Variants in RGS7 observed in about 807,000 individuals in gnomAD.
RGS7 encodes regulator of G-protein signaling 7.
In RGS7, 27 loss-of-function variants were observed where a neutral mutation model predicts 81.1. The observed-to-expected ratio is 0.33, with a 90% confidence interval of 0.25 to 0.46. The LOEUF (loss-of-function observed/expected upper bound fraction) is 0.46. Among genes scored for constraint, RGS7 ranks in the 20% least tolerant of loss-of-function variants. The pLI, the probability that RGS7 is intolerant of heterozygous loss-of-function variation, is 1.00. For synonymous variants in RGS7, 208 were observed against 207.7 expected (o/e 1.00, Z -0.01); for missense variants, 396 against 607.4 (o/e 0.65, Z 3.66).
At chr1:240,873,704 C>T (rs533016793) in intron 6 of RGS7, among the ~76,000 whole-genome samples, 10 of 152,082 alleles carry the variant, frequency 6.6e-5, no homozygotes, top group Admixed American at 2.0e-4. Context: ...TATGAAAGCA[C>T]ATCACACAGG....
chr1:241,200,358 G>C (rs1180206196), intron 2 of RGS7, among the ~76,000 whole-genome samples: 1 of 151,848 alleles, frequency 6.6e-6, no homozygotes, highest in East Asian at 1.9e-4. Flanking sequence ...TATCTTAAAG[G>C]TACTGCTCAA....
At chr1:241,319,887 T>C (rs999279302) in intron 2 of RGS7, among the ~76,000 whole-genome samples, 2 of 152,080 alleles carry the variant, frequency 1.3e-5, no homozygotes, top group African/African-American at 4.8e-5. Context: ...GGTCAGGAGT[T>C]CGAGACCAGC....
chr1:241,284,719 C>A (rs1408785205), intron 2 of RGS7, among the ~76,000 whole-genome samples: 1 of 152,176 alleles, frequency 6.6e-6, no homozygotes, highest in African/African-American at 2.4e-5. Context: ...TGCTGGGGAA[C>A]CCCATTATAG....
intron 4 of RGS7, among the ~76,000 whole-genome samples, chr1:240,945,132 G>T (rs1319941533): frequency 6.6e-6 from 1 of 152,242 alleles, no homozygotes; most frequent in African/African-American, 2.4e-5. Flanking sequence ...TGGCAGAGCA[G>T]CCGCCATCCT....
intron 3 of RGS7, among the ~76,000 whole-genome samples, chr1:241,091,547 C>CAATAAATAAATAAATA (rs371664255): frequency 1.5e-5 from 2 of 129,170 alleles, no homozygotes; most frequent in East Asian, 2.2e-4. Context: ...GACTCTGTCT[C>CAATAAATAAATAAATA]AATAAATAAA....
intron 2 of RGS7, among the ~76,000 whole-genome samples, chr1:241,221,038 G>A (rs1310793836): frequency 0.011 from 807 of 73,926 alleles, 14 homozygotes; most frequent in Middle Eastern, 0.018. Context: ...AGGAAGGAAG[G>A]AAAAGAAAGA....
rs868322515 is a variant in RGS7 at position 241,088,943 on chromosome 1, G to A, written c.175+9723C>T. ...GGAGAATCGCTTGAACCTGGCAGGC[G>A]GAAGTTGCAGTGAGTTGAGATGGCG... On this transcript the variant is annotated intron_variant, in intron 3 of 18. Coordinates refer to ENST00000440928, the MANE Select transcript of RGS7 (RefSeq NM_001364886.1). 1.5e-4 allele frequency among the ~76,000 whole-genome samples: 23 copies of A among 150,024 alleles called. No individual in the cohort carries two copies. The South Asian group carries it at 3.2e-3, about 21-fold the overall frequency.
At chr1:241,051,387 G>T (rs2061241421) in intron 3 of RGS7, among the ~76,000 whole-genome samples, 1 of 152,126 alleles carries the variant, frequency 6.6e-6, no homozygotes, top group Non-Finnish European at 1.5e-5. Flanking sequence ...TGCTTTATCA[G>T]GTAGCAGTGA....
intron 3 of RGS7, among the ~76,000 whole-genome samples, chr1:241,020,129 T>G (rs374106208): frequency 3.9e-5 from 6 of 152,204 alleles, no homozygotes; most frequent in Admixed American, 3.9e-4. Context: ...ATAAGATGCC[T>G]TACCTAATGA....
intron 3 of RGS7, among the ~76,000 whole-genome samples, chr1:241,008,427 G>A (rs1242376138): frequency 6.6e-6 from 1 of 152,162 alleles, no homozygotes; most frequent in African/African-American, 2.4e-5. Context: ...TGGGTTGGGA[G>A]CCTGAGATTC....
intron 18 of RGS7, among the ~76,000 whole-genome samples, chr1:240,785,056 T>C (rs915893702): frequency 5.9e-5 from 9 of 152,228 alleles, no homozygotes; most frequent in Admixed American, 2.6e-4. Flanking sequence ...TTTCCACTTA[T>C]TGAACCAGGG....
chr1:241,000,497 T>A (rs1687964747), intron 3 of RGS7, among the ~76,000 whole-genome samples: 1 of 152,178 alleles, frequency 6.6e-6, no homozygotes, highest in African/African-American at 2.4e-5. Flanking sequence ...ATATTTTAAG[T>A]CTCCTTACTC....
At chr1:241,197,088 A>G (rs2493011) in intron 2 of RGS7, among the ~76,000 whole-genome samples, 107,808 of 151,082 alleles carry the variant, frequency 0.71, 38,763 homozygotes, top group Admixed American at 0.76. Context: ...CAATAACATT[A>G]AATGTAAATG....
rs1385405360 is a variant in RGS7, at chr1:241,190,059, C to T, written c.79-91297G>A. Among the ~76,000 whole-genome samples, 7 of 151,994 alleles carry T rather than the reference C, an allele frequency of 4.6e-5. No homozygotes were observed. In the East Asian group the frequency reaches 9.7e-4, roughly 21 times the overall value. ...CGGAGCTTGCAGTGAGCCGAGATGG[C>T]GCCACTGCACTCCAGCCTGGGCGAC... On this transcript the variant is annotated intron_variant, in intron 2 of 18. Coordinates refer to ENST00000440928, the MANE Select transcript of RGS7 (RefSeq NM_001364886.1).
rs149373179 is a variant in RGS7 at position 241,330,361 on chromosome 1, T to G, written c.78+25338A>C. ...GAATATACCACATGATCTATCAGATTCAAAAAACAACATGATGAAAAGCCA... is the reference window on the plus strand; with the variant it reads ...GAATATACCACATGATCTATCAGATGCAAAAAACAACATGATGAAAAGCCA... On this transcript the variant is annotated intron_variant, in intron 2 of 18. Coordinates refer to ENST00000440928, the MANE Select transcript of RGS7 (RefSeq NM_001364886.1). 4.2e-4 allele frequency among the ~76,000 whole-genome samples: 64 copies of G among 152,328 alleles called. 1 individual carries two copies. The East Asian group carries it at 0.012, about 29-fold the overall frequency.
intron 2 of RGS7, among the ~76,000 whole-genome samples, chr1:241,124,338 T>C (rs1047747913): frequency 6.6e-6 from 1 of 151,946 alleles, no homozygotes. Flanking sequence ...GAGGCTGCAG[T>C]GAACTCCATT....
At chr1:241,339,751 G>A (rs74896390) in intron 2 of RGS7, among the ~76,000 whole-genome samples, 2,430 of 152,024 alleles carry the variant, frequency 0.016, 74 homozygotes, top group African/African-American at 0.055. Flanking sequence ...TTTTAAGAGC[G>A]CTTTCTGAAT....
chr1:241,258,279 T>C (rs1037248265), intron 2 of RGS7, among the ~76,000 whole-genome samples: 27 of 152,074 alleles, frequency 1.8e-4, no homozygotes, highest in African/African-American at 6.3e-4. Context: ...CTAGACTTAA[T>C]GTAGATAAAA....
intron 1 of RGS7, 135 bp downstream of exon 1, chr1:241,356,764 G>C (rs1488127813): frequency 3.3e-5 from 5 of 149,504 alleles, no homozygotes; most frequent in East Asian, 2.0e-4. Context: ...GCCCAGCCCC[G>C]GCGCGGGGCT....
Sources: gnomAD v4.1 joint callset for allele counts (sites outside exome capture counted in the v4.1 genomes callset) on GRCh38, gnomAD v4.1.1 for gene constraint, MANE v1.5 for transcripts, NCBI Gene and HGNC (gene_info 2026-07-23, HGNC 2026-07-21) for gene names.